SENP6: variants seen among roughly 807,000 people sequenced by gnomAD.
The protein encoded by SENP6 is SUMO specific peptidase 6, also known as sentrin-specific protease 6.
A neutral mutation model predicts 134.5 loss-of-function variants in SENP6; 41 were observed. That is an observed-to-expected ratio of 0.30 (90% CI 0.24 to 0.40). The LOEUF (loss-of-function observed/expected upper bound fraction) is 0.40. Ranked by LOEUF, SENP6 falls within the 10% of genes least tolerant of loss-of-function variation. The probability of loss-of-function intolerance (pLI) is 1.00; values close to 1 mark genes in which losing one functional copy is unlikely to be tolerated. For synonymous variants in SENP6, 395 were observed against 429.8 expected, an observed-to-expected ratio of 0.92 and a Z score of 1.00; for missense variants, 1,248 against 1,312.5, an observed-to-expected ratio of 0.95 and a Z score of 0.76.
chr6:75,641,234 A>G (rs1411913960), intron 6 of SENP6, among the ~76,000 whole-genome samples: 1 of 152,172 alleles, frequency 6.6e-6, no homozygotes, highest in Non-Finnish European at 1.5e-5. Flanking sequence ...GCTCATTCTG[A>G]ATGTACATTT....
chr6:75,637,123 G>A (rs899038225), intron 5 of SENP6, among the ~76,000 whole-genome samples: 11 of 152,152 alleles, frequency 7.2e-5, no homozygotes, highest in Non-Finnish European at 1.5e-4. Flanking sequence ...AAGCAGTCCT[G>A]CCTCAGCACC....
chr6:75,683,436 A>T lies in SENP6; in HGVS notation c.2075+4509A>T, dbSNP rs1773603126. Among the ~76,000 whole-genome samples, 4 of 152,104 alleles carry T rather than the reference A, an allele frequency of 2.6e-5. No homozygotes were observed. The South Asian group carries it at 8.3e-4, about 31-fold the overall frequency. On this transcript the variant is annotated intron_variant, in intron 16 of 23. Coordinates refer to ENST00000447266, the MANE Select transcript of SENP6 (RefSeq NM_015571.4). ...TTTGTCAATTTTGGCTTTTGTTGCCATTGCTTTTGGTGTTTTAGTCATGAA... is the reference window on the plus strand; with the variant it reads ...TTTGTCAATTTTGGCTTTTGTTGCCTTTGCTTTTGGTGTTTTAGTCATGAA...
At chr6:75,713,013 G>C (rs1775839289) in intron 21 of SENP6, among the ~76,000 whole-genome samples, 1 of 151,978 alleles carries the variant, frequency 6.6e-6, no homozygotes, top group African/African-American at 2.4e-5. Context: ...AGGCTGAGTT[G>C]GGAGGATCAC....
rs373088891 is a variant in SENP6 at position 75,697,412 on chromosome 6, C to G, written c.2196-13C>G. The stretch of plus-strand genomic sequence containing the variant: ...AATATTTCAGAAGCTTATAATTTAT[C>G]TCTTTCTTACAGAATACAGCAAAAA... On this transcript the variant is annotated splice_polypyrimidine_tract_variant and intron_variant, in intron 17 of 23. Transcript: ENST00000447266. 14 of 1,565,740 alleles carry G rather than the reference C, an allele frequency of 8.9e-6. No individual in the cohort carries two copies. Among genetic ancestry groups the G allele is most frequent in the Admixed American group, 1.7e-5 (1 of 57,220 alleles).
chr6:75,686,092 A>C (rs906417852), intron 16 of SENP6, among the ~76,000 whole-genome samples: 2 of 152,166 alleles, frequency 1.3e-5, no homozygotes, highest in African/African-American at 4.8e-5. Flanking sequence ...TATTGGGTGC[A>C]TATATATTTA....
rs1196650464 is a variant in SENP6, at chr6:75,659,427, T to G, written c.696+20T>G. ...TTAGAGGTAAGTAGAGAAATTATTC[T>G]TTGTTGCTAATCAGATTGTGTTTTG... is the stretch of plus-strand genomic sequence containing the variant. On this transcript the variant is annotated intron_variant, in intron 8 of 23. Transcript: ENST00000447266. 3 of 1,577,930 alleles carry G rather than the reference T, an allele frequency of 1.9e-6. No homozygotes were observed. Among genetic ancestry groups the G allele is most frequent in the Non-Finnish European group, 2.6e-6 (3 of 1,153,384 alleles).
intron 7 of SENP6, 133 bp from the exon 8 acceptor site, chr6:75,659,129 G>A: frequency 1.5e-6 from 1 of 662,120 alleles, no homozygotes; most frequent in Non-Finnish European, 2.5e-6. Flanking sequence ...CTGCTGAGGA[G>A]TGAAAAATAA....
intron 21 of SENP6, among the ~76,000 whole-genome samples, chr6:75,712,559 AATAACC>A (rs1445329134): frequency 4.0e-5 from 6 of 151,536 alleles, no homozygotes; most frequent in African/African-American, 1.4e-4. Context: ...GTGGCTAAAA[AATAACC>A]TAGATTTTTT....
At chr6:75,670,270 T>C (rs1028455126) in intron 10 of SENP6, among the ~76,000 whole-genome samples, 2 of 152,150 alleles carry the variant, frequency 1.3e-5, no homozygotes, top group African/African-American at 2.4e-5. Flanking sequence ...TAAAAGGTGG[T>C]GTGGCTGTTT....
intron 19 of SENP6, among the ~76,000 whole-genome samples, chr6:75,704,277 TCTCA>T (rs1483473107): frequency 4.6e-5 from 7 of 152,108 alleles, no homozygotes; most frequent in African/African-American, 1.7e-4. Context: ...ATTTTCACTA[TCTCA>T]GCAAGAGGAA....
At chr6:75,616,886 G>A (rs924840902) in intron 1 of SENP6, among the ~76,000 whole-genome samples, 1 of 151,894 alleles carries the variant, frequency 6.6e-6, no homozygotes, top group African/African-American at 2.4e-5. Flanking sequence ...GTATTTTTGA[G>A]ATTGTCTTGC....
chr6:75,687,408 CAA>C (rs1302521210), intron 16 of SENP6, among the ~76,000 whole-genome samples: 2 of 152,214 alleles, frequency 1.3e-5, no homozygotes, highest in African/African-American at 4.8e-5. Flanking sequence ...GTCAACTCGT[CAA>C]AGTCATTCTC....
At chr6:75,640,448 G>T (rs1221137877) in intron 5 of SENP6, among the ~76,000 whole-genome samples, 1 of 150,254 alleles carries the variant, frequency 6.7e-6, no homozygotes, top group Non-Finnish European at 1.5e-5. Flanking sequence ...GCCCTTTTAA[G>T]ATTTTTTTAT....
intron 16 of SENP6, among the ~76,000 whole-genome samples, chr6:75,692,391 T>C (rs1420057864): frequency 6.6e-6 from 1 of 151,902 alleles, no homozygotes; most frequent in Non-Finnish European, 1.5e-5. Flanking sequence ...AGGCCGATGC[T>C]GGAGGATTGC....
intron 3 of SENP6, among the ~76,000 whole-genome samples, chr6:75,627,076 G>T (rs1768753131): frequency 6.6e-6 from 1 of 152,060 alleles, no homozygotes; most frequent in Non-Finnish European, 1.5e-5. Flanking sequence ...TGATTCTCCT[G>T]CCTCAGCCTC....
At chr6:75,711,819 C>T (rs12205818) in intron 21 of SENP6, among the ~76,000 whole-genome samples, 14,635 of 152,188 alleles carry the variant, frequency 0.096, 731 homozygotes, top group Non-Finnish European at 0.11. Context: ...ACTACAGGTG[C>T]GTGCCACCAT....
At chr6:75,629,760 A>C (rs1417413588) in intron 3 of SENP6, among the ~76,000 whole-genome samples, 2 of 152,224 alleles carry the variant, frequency 1.3e-5, no homozygotes, top group Non-Finnish European at 2.9e-5. Context: ...GAAGAAACTG[A>C]GGCAAAATTA....
At chr6:75,701,633 CTTTTT>C (rs60715314) in intron 18 of SENP6, among the ~76,000 whole-genome samples, 61 of 80,140 alleles carry the variant, frequency 7.6e-4, no homozygotes, top group African/African-American at 2.8e-3. Flanking sequence ...ACAGTTTAAT[CTTTTT>C]TTTTTTTTTT....
intron 16 of SENP6, among the ~76,000 whole-genome samples, chr6:75,683,872 C>A (rs1031302887): frequency 4.6e-5 from 7 of 152,104 alleles, no homozygotes; most frequent in East Asian, 1.9e-4. Context: ...ATTGTCTTGG[C>A]AATGCGGGCT....
Sources: gnomAD v4.1 joint callset for allele counts (sites outside exome capture counted in the v4.1 genomes callset) on GRCh38, gnomAD v4.1.1 for gene constraint, MANE v1.5 for transcripts, NCBI Gene and HGNC (gene_info 2026-07-23, HGNC 2026-07-21) for gene names.